THSD7A: variants seen among roughly 807,000 people sequenced by gnomAD.
The protein encoded by THSD7A is thrombospondin type 1 domain containing 7A.
In THSD7A, 96 loss-of-function variants were observed where a neutral mutation model predicts 231.3. The observed-to-expected ratio is 0.41, with a 90% CI of 0.35 to 0.49. The LOEUF is 0.49. Among genes scored for constraint, THSD7A ranks in the 20% least tolerant of loss-of-function variants. The pLI is 0.05. For missense variants in THSD7A, 2,290 were observed against 2,070.2 expected (o/e 1.11, Z -2.06); for synonymous variants, 940 against 743.3 (o/e 1.26, Z -4.30).
At chr7:11,734,424 C>G (rs1184481967) in intron 1 of THSD7A, among the ~76,000 whole-genome samples, 1 of 151,928 alleles carries the variant, frequency 6.6e-6, no homozygotes, top group South Asian at 2.1e-4. Context: ...GCTTTTCATC[C>G]TCTACACTCC....
At chr7:11,766,771 G>A (rs930728808) in intron 1 of THSD7A, among the ~76,000 whole-genome samples, 3 of 152,144 alleles carry the variant, frequency 2.0e-5, no homozygotes, top group Non-Finnish European at 2.9e-5. Flanking sequence ...ACTCAGATTG[G>A]TGGAGAACAG....
chr7:11,542,894 T>C (rs191146655), intron 5 of THSD7A, 68 bp downstream of exon 5: 1 of 1,508,728 alleles, frequency 6.6e-7, no homozygotes, highest in Non-Finnish European at 9.0e-7. Context: ...AGAAGAGCAT[T>C]TTAAAAATAA....
Position 11,431,603 on chromosome 7 carries a change from G to T in THSD7A, c.3065-2478C>A, listed in dbSNP as rs188440045. On this transcript the variant is annotated intron_variant, in intron 13 of 27. Coordinates refer to ENST00000423059, the MANE Select transcript of THSD7A (RefSeq NM_015204.3). ...TAGTCTTGACTACTGTAACTTTGAA[G>T]CAAGTATTGAAATCCAGAAGTGTGA... Among the ~76,000 whole-genome samples the T allele has an allele frequency of 1.2e-4, 19 of 152,198 alleles. 1 individual carries two copies. The highest frequency in any genetic ancestry group is 3.3e-4 in the Admixed American group (5 of 15,264).
At chr7:11,422,377 A>C (rs1480564636) in intron 16 of THSD7A, among the ~76,000 whole-genome samples, 1 of 152,148 alleles carries the variant, frequency 6.6e-6, no homozygotes, top group Non-Finnish European at 1.5e-5. Context: ...ACTTGCATTC[A>C]AGCAGGACAT....
At chr7:11,781,894 A>C (rs992261961) in intron 1 of THSD7A, among the ~76,000 whole-genome samples, 1 of 152,194 alleles carries the variant, frequency 6.6e-6, no homozygotes, top group Non-Finnish European at 1.5e-5. Context: ...TTCCTGACCC[A>C]CAGTCGATAC....
At chr7:11,386,478 C>T (rs950988409) in intron 23 of THSD7A, among the ~76,000 whole-genome samples, 1 of 152,144 alleles carries the variant, frequency 6.6e-6, no homozygotes, top group Admixed American at 6.6e-5. Context: ...TGATGATGAG[C>T]TTTTCTTCAT....
chr7:11,447,418 G>A lies in THSD7A; in HGVS notation c.2612C>T (p.Thr871Ile), dbSNP rs1785007414. The A allele has an allele frequency of 1.3e-6, 2 of 1,557,972 alleles. No individual in the cohort carries two copies. Among genetic ancestry groups the A allele is most frequent in the Non-Finnish European group, 1.7e-6 (2 of 1,155,482 alleles). ...CTGTCCTCCATCTTGCTTGCGACAA[G>A]TAATGGCTAAAAGAAAAGCATAAAG... ...CGPGRQARAI[T>I]CRKQDGGQAG... The change falls in exon 12 of 28, where the codon ACT becomes ATT. Residue 871 changes from threonine (T) to isoleucine (I), a missense_variant. Thr to Ile is a moderately conservative substitution (Grantham distance 89, BLOSUM62 -1). Coordinates refer to ENST00000423059, the MANE Select transcript of THSD7A (RefSeq NM_015204.3).
intron 1 of THSD7A, among the ~76,000 whole-genome samples, chr7:11,806,073 T>G (rs1784391202): frequency 6.6e-6 from 1 of 152,182 alleles, no homozygotes; most frequent in Non-Finnish European, 1.5e-5. Context: ...AATGCTTATC[T>G]TTTCAGGTTT....
intron 1 of THSD7A, among the ~76,000 whole-genome samples, chr7:11,743,392 CAT>C (rs956657473): frequency 6.6e-6 from 1 of 151,842 alleles, no homozygotes; most frequent in Non-Finnish European, 1.5e-5. Context: ...ATCAAATTTA[CAT>C]GTTTTTCTTA....
intron 18 of THSD7A, 53 bp downstream of exon 18, chr7:11,412,603 T>C: frequency 6.2e-7 from 1 of 1,606,360 alleles, no homozygotes; most frequent in Non-Finnish European, 8.5e-7. Flanking sequence ...GCTTCAGAGC[T>C]GACAGACACA....
chr7:11,518,502 T>C (rs1333356633), intron 6 of THSD7A, among the ~76,000 whole-genome samples: 1 of 152,172 alleles, frequency 6.6e-6, no homozygotes. Flanking sequence ...GGCATTGTTC[T>C]AGGTGCAGTG....
chr7:11,394,618 C>T (rs531054409), intron 23 of THSD7A, among the ~76,000 whole-genome samples: 73 of 152,266 alleles, frequency 4.8e-4, no homozygotes, highest in African/African-American at 1.4e-3. Flanking sequence ...TTTGATCACC[C>T]GCACACGTGA....
At chr7:11,650,829 T>C (rs1272508118) in intron 1 of THSD7A, among the ~76,000 whole-genome samples, 1 of 151,854 alleles carries the variant, frequency 6.6e-6, no homozygotes, top group Non-Finnish European at 1.5e-5. Flanking sequence ...TTTTGTTTTG[T>C]TTTGTTTTTT....
At chr7:11,395,144 C>CAA (rs56112219) in intron 23 of THSD7A, among the ~76,000 whole-genome samples, 14 of 125,004 alleles carry the variant, frequency 1.1e-4, no homozygotes, top group East Asian at 7.3e-4. Context: ...AAATGGAAAG[C>CAA]AAAAAAAAAA....
rs191653386 is a variant in THSD7A, at chr7:11,621,471, C to T, written c.1022+14659G>A. Among the ~76,000 whole-genome samples, 64 of 152,184 alleles carry T rather than the reference C, an allele frequency of 4.2e-4. No homozygotes were observed. The East Asian group carries it at 0.012, about 28-fold the overall frequency. ...ATTTCTCCAGAATTTCCAACACAAT[C>T]CTCATTTTCATATTTTATTTTAAAT... On this transcript the variant is annotated intron_variant, in intron 2 of 27. Coordinates refer to ENST00000423059, the MANE Select transcript of THSD7A (RefSeq NM_015204.3).
At chr7:11,378,973 T>C (rs1782393538) in intron 26 of THSD7A, 97 bp downstream of exon 26, 2 of 1,098,606 alleles carry the variant, frequency 1.8e-6, no homozygotes, top group Non-Finnish European at 2.7e-6. Flanking sequence ...AAATAATCAA[T>C]AGCTCATATA....
At chr7:11,447,499 A>G (rs1271587346) in intron 11 of THSD7A, 75 bp from the exon 12 acceptor site, 9 of 1,293,384 alleles carry the variant, frequency 7.0e-6, no homozygotes, top group Non-Finnish European at 9.2e-6. Flanking sequence ...CTAACCTAAC[A>G]TTTGGTTAAG....
chr7:11,648,392 G>A (rs538043137), intron 1 of THSD7A, among the ~76,000 whole-genome samples: 26 of 152,018 alleles, frequency 1.7e-4, no homozygotes, highest in Non-Finnish European at 3.2e-4. Flanking sequence ...TGTAAAAGAA[G>A]TAGGTGCCAT....
chr7:11,438,434 C>G (rs1470704561), intron 13 of THSD7A, among the ~76,000 whole-genome samples: 1 of 151,918 alleles, frequency 6.6e-6, no homozygotes, highest in East Asian at 1.9e-4. Context: ...ACTTTGGGTG[C>G]TAGCAAAGCA....
Sources: gnomAD v4.1 joint callset for allele counts (sites outside exome capture counted in the v4.1 genomes callset) on GRCh38, gnomAD v4.1.1 for gene constraint, MANE v1.5 for transcripts, NCBI Gene and HGNC (gene_info 2026-07-23, HGNC 2026-07-21) for gene names.